Variants in SNRPD1 observed in about 807,000 individuals in gnomAD.
The protein encoded by SNRPD1 is small nuclear ribonucleoprotein D1 polypeptide.
SNRPD1 carries 1 observed loss-of-function variant against 14.4 expected under a neutral mutation model. The observed-to-expected ratio is 0.07, with a 90% CI of 0.02 to 0.33. The LOEUF is 0.33. Ranked by LOEUF, SNRPD1 falls within the 10% of genes least tolerant of loss-of-function variation. The pLI is 1.00. For synonymous variants in SNRPD1, 42 were observed against 50.3 expected (o/e 0.83, Z 0.70); for missense variants, 52 against 146.4 (o/e 0.36, Z 3.33).
At chr18:21,622,632 C>T in intron 1 of SNRPD1, 93 bp from the exon 2 acceptor site, 1 of 658,396 alleles carries the variant, frequency 1.5e-6, no homozygotes, top group Admixed American at 2.6e-5. Context: ...TAGCATCTAG[C>T]AAATTTTCAA....
intron 1 of SNRPD1, among the ~76,000 whole-genome samples, chr18:21,621,971 T>C (rs941223537): frequency 6.6e-6 from 1 of 152,158 alleles, no homozygotes; most frequent in Admixed American, 6.5e-5. Flanking sequence ...GTGAATAAAA[T>C]ATGACCCAAT....
At chr18:21,623,232 T>C (rs2039011459) in intron 2 of SNRPD1, among the ~76,000 whole-genome samples, 1 of 152,182 alleles carries the variant, frequency 6.6e-6, no homozygotes, top group Non-Finnish European at 1.5e-5. Context: ...GCTGGGGTTA[T>C]GGGTGCGTGC....
intron 3 of SNRPD1, among the ~76,000 whole-genome samples, chr18:21,626,355 C>T (rs566340919): frequency 7.1e-6 from 1 of 139,890 alleles, no homozygotes; most frequent in South Asian, 2.3e-4. Context: ...GATTACGCCA[C>T]TGCACTCCAG....
At chr18:21,628,888 G>C (rs1303336466) in intron 3 of SNRPD1, among the ~76,000 whole-genome samples, 174 bp from the exon 4 acceptor site, 1 of 151,962 alleles carries the variant, frequency 6.6e-6, no homozygotes, top group African/African-American at 2.4e-5. Flanking sequence ...GTTGGGGGGT[G>C]GAGGGAATCT....
intron 3 of SNRPD1, 47 bp from the exon 4 acceptor site, chr18:21,629,015 T>G (rs780658265): frequency 7.0e-7 from 1 of 1,434,276 alleles, no homozygotes; most frequent in Non-Finnish European, 9.8e-7. Flanking sequence ...CTAGGTAACA[T>G]TGGTGCAGGA....
At chr18:21,617,805 C>A (rs1308213729) in intron 1 of SNRPD1, among the ~76,000 whole-genome samples, 1 of 152,030 alleles carries the variant, frequency 6.6e-6, no homozygotes, top group African/African-American at 2.4e-5. Context: ...ATGGTAAAAC[C>A]CCGTCTCTAC....
intron 1 of SNRPD1, among the ~76,000 whole-genome samples, chr18:21,620,629 C>T (rs1200048026): frequency 6.6e-6 from 1 of 151,966 alleles, no homozygotes; most frequent in East Asian, 1.9e-4. Context: ...GAAAATAAGA[C>T]ACTATTTTTT....
At position 21,630,346 on chromosome 18, in the gene SNRPD1, A is replaced by G. The variant is rs1257406466; in HGVS notation, c.*1208A>G. 1 of 152,116 alleles carries G rather than the reference A, an allele frequency of 6.6e-6. No individual in the cohort carries two copies. The highest frequency in any genetic ancestry group is 6.6e-5 in the Admixed American group (1 of 15,262). 9.4% of individuals were successfully genotyped at this position (152,116 alleles called of 1,614,324 possible). ...GCATCAGTTCTTTGTAAAGCTTACT[A>G]CGAAGTATTTATATGCTAAGGAAAA... On this transcript the variant is annotated 3_prime_UTR_variant, in exon 4 of 4. Coordinates refer to ENST00000300413, the MANE Select transcript of SNRPD1 (RefSeq NM_006938.4).
chr18:21,614,011 G>A (rs1226546121), intron 1 of SNRPD1, among the ~76,000 whole-genome samples: 1 of 152,092 alleles, frequency 6.6e-6, no homozygotes, highest in Non-Finnish European at 1.5e-5. Context: ...GGTGGCTCAC[G>A]CCTGTAATCC....
intron 1 of SNRPD1, among the ~76,000 whole-genome samples, chr18:21,620,195 C>T (rs2038987375): frequency 6.6e-6 from 1 of 152,164 alleles, no homozygotes; most frequent in East Asian, 1.9e-4. Flanking sequence ...ACATTGTGAC[C>T]CGCCCACCTT....
At chr18:21,628,557 G>T (rs1304173699) in intron 3 of SNRPD1, among the ~76,000 whole-genome samples, 1 of 152,168 alleles carries the variant, frequency 6.6e-6, no homozygotes, top group South Asian at 2.1e-4. Flanking sequence ...ACTAGATTAT[G>T]TGTAGGTCAA....
chr18:21,618,249 C>A (rs571568723), intron 1 of SNRPD1, among the ~76,000 whole-genome samples: 1 of 151,814 alleles, frequency 6.6e-6, no homozygotes, highest in East Asian at 1.9e-4. Context: ...ATGGCAAAAC[C>A]ACATCTCTAC....
intron 3 of SNRPD1, among the ~76,000 whole-genome samples, chr18:21,625,959 T>G (rs2146261606): frequency 6.6e-6 from 1 of 152,270 alleles, no homozygotes; most frequent in East Asian, 1.9e-4. Flanking sequence ...TTCCTCTGGG[T>G]AGTTATCATT....
At chr18:21,624,754 ATC>A (rs1159538571) in intron 3 of SNRPD1, among the ~76,000 whole-genome samples, 1 of 151,466 alleles carries the variant, frequency 6.6e-6, no homozygotes, top group African/African-American at 2.4e-5. Context: ...CAATGATTTA[ATC>A]TCTCTCTCGG....
intron 3 of SNRPD1, among the ~76,000 whole-genome samples, chr18:21,624,283 G>A (rs931803786): frequency 4.6e-5 from 7 of 151,874 alleles, no homozygotes; most frequent in African/African-American, 1.7e-4. Flanking sequence ...GGAGGCTGAG[G>A]CAGGAGAATC....
chr18:21,613,389 G>A (rs1456093011), intron 1 of SNRPD1, among the ~76,000 whole-genome samples: 1 of 152,076 alleles, frequency 6.6e-6, no homozygotes, highest in Non-Finnish European at 1.5e-5. Flanking sequence ...GTCAATATCC[G>A]CTAAATAGTT....
chr18:21,626,446 G>A (rs576677941), intron 3 of SNRPD1, among the ~76,000 whole-genome samples: 1 of 144,570 alleles, frequency 6.9e-6, no homozygotes, highest in African/African-American at 2.6e-5. Context: ...TAATGAAAAT[G>A]AGTCTTCGTT....
At chr18:21,625,023 T>C (rs2039026027) in intron 3 of SNRPD1, among the ~76,000 whole-genome samples, 1 of 152,154 alleles carries the variant, frequency 6.6e-6, no homozygotes, top group African/African-American at 2.4e-5. Flanking sequence ...ATCATAGGCC[T>C]AAACTACATT....
chr18:21,617,982 C>T (rs74973340), intron 1 of SNRPD1, among the ~76,000 whole-genome samples: 4,954 of 152,242 alleles, frequency 0.033, 142 homozygotes, highest in Middle Eastern at 0.048. Flanking sequence ...AAGACTCCAT[C>T]TTTGTATCTA....
Sources: allele counts gnomAD v4.1 joint callset (sites outside exome capture counted in the v4.1 genomes callset), GRCh38; gene constraint gnomAD v4.1.1; transcripts MANE v1.5; gene names NCBI Gene and HGNC (gene_info 2026-07-23, HGNC 2026-07-21).